The following NRCAM variants were observed in gnomAD, a reference collection of about 807,000 sequenced individuals.
The protein encoded by NRCAM is neuronal cell adhesion molecule.
Under a neutral mutation model 156.5 loss-of-function variants are expected in NRCAM, and 83 were observed. That is an observed-to-expected ratio of 0.53 (90% CI 0.44 to 0.64). The LOEUF (loss-of-function observed/expected upper bound fraction) is 0.64, where lower values mean the gene tolerates loss of function less well. Ranked by LOEUF, NRCAM falls within the 30% of genes least tolerant of loss-of-function variation. The pLI, the probability that NRCAM is intolerant of heterozygous loss-of-function variation, is 0.00. For synonymous variants in NRCAM, 538 were observed against 563.9 expected (o/e 0.95, Z 0.65); for missense variants, 1,417 against 1,597.3 (o/e 0.89, Z 1.92).
At chr7:108,190,761 C>G (rs569899470) in intron 19 of NRCAM, among the ~76,000 whole-genome samples, 3 of 152,102 alleles carry the variant, frequency 2.0e-5, no homozygotes, top group African/African-American at 7.2e-5. Context: ...CATGGTGAGT[C>G]GGTTTTCTCT....
intron 3 of NRCAM, among the ~76,000 whole-genome samples, chr7:108,247,774 G>C (rs958795927): frequency 6.6e-6 from 1 of 152,062 alleles, no homozygotes; most frequent in African/African-American, 2.4e-5. Context: ...AATCATACTA[G>C]AACTCTGGCT....
At chr7:108,383,978 G>T (rs1423557300) in intron 2 of NRCAM, among the ~76,000 whole-genome samples, 2 of 152,148 alleles carry the variant, frequency 1.3e-5, no homozygotes, top group East Asian at 3.9e-4. Context: ...TGAGGTATTT[G>T]ATTTTCTGTT....
chr7:108,220,384 A>G (rs2091788467), intron 11 of NRCAM, among the ~76,000 whole-genome samples: 1 of 152,206 alleles, frequency 6.6e-6, no homozygotes, highest in African/African-American at 2.4e-5. Context: ...GACCCCACAC[A>G]GCCAAAGCAA....
intron 3 of NRCAM, among the ~76,000 whole-genome samples, chr7:108,263,694 A>G (rs1446936728): frequency 6.6e-6 from 1 of 152,118 alleles, no homozygotes; most frequent in Non-Finnish European, 1.5e-5. Context: ...GACCCACTCC[A>G]CAGAGCCTGG....
In NRCAM at chr7:108,364,354, G is replaced by C. The variant is rs1417483459; in HGVS notation, c.-174+35082C>G. 2.0e-5 allele frequency among the ~76,000 whole-genome samples: 3 copies of C among 152,178 alleles called. No individual in the cohort carries two copies. In the East Asian group the frequency reaches 5.8e-4, roughly 29 times the overall value. ...AGCTATAATAGAAAAGCTGACAATA[G>C]CAAGTGTTGGTGAGAATGTGGAGAA... On this transcript the variant is annotated intron_variant, in intron 2 of 32. Transcript: ENST00000379028.
At chr7:108,336,662 T>C (rs908977943) in intron 2 of NRCAM, among the ~76,000 whole-genome samples, 1 of 152,204 alleles carries the variant, frequency 6.6e-6, no homozygotes, top group Non-Finnish European at 1.5e-5. Flanking sequence ...TCTATAGAGA[T>C]CTACTAAACC....
At chr7:108,230,894 GTTAT>G in intron 8 of NRCAM, 133 bp downstream of exon 8, 1 of 625,342 alleles carries the variant, frequency 1.6e-6, no homozygotes, top group Non-Finnish European at 2.7e-6. Context: ...GAGATGACAT[GTTAT>G]TTATTTTGAA....
intron 3 of NRCAM, among the ~76,000 whole-genome samples, chr7:108,268,289 A>G (rs987573332): frequency 6.6e-6 from 1 of 152,210 alleles, no homozygotes; most frequent in African/African-American, 2.4e-5. Flanking sequence ...TGCAAACAGG[A>G]AAAGAAGCAG....
chr7:108,309,832 G>A (rs773066179), intron 3 of NRCAM, among the ~76,000 whole-genome samples: 3 of 152,128 alleles, frequency 2.0e-5, no homozygotes, highest in Non-Finnish European at 4.4e-5. Flanking sequence ...ACTGCAACCT[G>A]GGTGACAAGT....
At chr7:108,181,689 G>A (rs1354826345) in intron 24 of NRCAM, 133 bp downstream of exon 24, 6 of 472,600 alleles carry the variant, frequency 1.3e-5, no homozygotes, top group Middle Eastern at 9.0e-4. Context: ...GGCAATGAGC[G>A]AAATGAACTC....
chr7:108,300,160 CTTTTTT>C (rs10665036), intron 3 of NRCAM, among the ~76,000 whole-genome samples: 778 of 65,852 alleles, frequency 0.012, 5 homozygotes, highest in Non-Finnish European at 0.017. Flanking sequence ...TTTCTGTTGA[CTTTTTT>C]TTTTTTTTTT....
rs1293478572 is a variant in NRCAM, at chr7:108,312,685, T to C, written c.-127A>G. 1 of 152,246 alleles carries C rather than the reference T, an allele frequency of 6.6e-6. No individual in the cohort carries two copies. The highest frequency in any genetic ancestry group is 1.5e-5 in the Non-Finnish European group (1 of 68,038). 9.4% of individuals were successfully genotyped at this position (152,246 alleles called of 1,614,324 possible). A position where few individuals can be genotyped will look rare whatever the true frequency, so the allele number is the denominator to read the frequency against. Reference sequence around the variant, plus strand: ...CTTACCTTTGAAGAAGCTCTTAAGTTGTTCTTCCTTTTAATTCTTTAAACC... The same window carrying C: ...CTTACCTTTGAAGAAGCTCTTAAGTCGTTCTTCCTTTTAATTCTTTAAACC... On this transcript the variant is annotated 5_prime_UTR_variant, in exon 3 of 33. Coordinates refer to ENST00000379028, the MANE Select transcript of NRCAM (RefSeq NM_001037132.4).
chr7:108,254,713 C>T (rs1222466687), intron 3 of NRCAM, among the ~76,000 whole-genome samples: 4 of 152,042 alleles, frequency 2.6e-5, no homozygotes, highest in Non-Finnish European at 5.9e-5. Flanking sequence ...CCATACCCAC[C>T]TAGTTTTTTT....
intron 3 of NRCAM, among the ~76,000 whole-genome samples, chr7:108,301,299 A>C (rs1234780947): frequency 6.6e-6 from 1 of 152,266 alleles, no homozygotes; most frequent in African/African-American, 2.4e-5. Flanking sequence ...CAGATTCAGA[A>C]CAATGGCAAG....
At chr7:108,272,260 G>A (rs917091983) in intron 3 of NRCAM, among the ~76,000 whole-genome samples, 3 of 152,106 alleles carry the variant, frequency 2.0e-5, no homozygotes, top group Non-Finnish European at 2.9e-5. Flanking sequence ...GTTGTATATC[G>A]AATAGAATTT....
At chr7:108,253,203 C>T (rs1446306477) in intron 3 of NRCAM, among the ~76,000 whole-genome samples, 1 of 152,216 alleles carries the variant, frequency 6.6e-6, no homozygotes, top group Non-Finnish European at 1.5e-5. Flanking sequence ...ACATAATTCA[C>T]GCCCTTGAAG....
chr7:108,333,233 G>C (rs1466257812), intron 2 of NRCAM, among the ~76,000 whole-genome samples: 1 of 152,084 alleles, frequency 6.6e-6, no homozygotes, highest in African/African-American at 2.4e-5. Flanking sequence ...CAAGTACTGA[G>C]GTAATTTTTC....
At chr7:108,283,055 A>G (rs1281981156) in intron 3 of NRCAM, among the ~76,000 whole-genome samples, 2 of 102,866 alleles carry the variant, frequency 1.9e-5, no homozygotes, top group African/African-American at 8.0e-5. Flanking sequence ...CTCTCTAAGT[A>G]TACTGACTTT....
chr7:108,234,936 A>C (rs998412317), intron 5 of NRCAM: 3 of 620,170 alleles, frequency 4.8e-6, no homozygotes, highest in Non-Finnish European at 8.9e-6. Flanking sequence ...TCACACTAAA[A>C]GTTTGGGGAA....
Sources: allele counts gnomAD v4.1 joint callset (sites outside exome capture counted in the v4.1 genomes callset), GRCh38; gene constraint gnomAD v4.1.1; transcripts MANE v1.5; gene names NCBI Gene and HGNC (gene_info 2026-07-23, HGNC 2026-07-21).